PLSCR2: variants seen among roughly 807,000 people sequenced by gnomAD.
PLSCR2 encodes phospholipid scramblase 2.
In PLSCR2, 18 loss-of-function variants were observed where a neutral mutation model predicts 25.3. The ratio of observed to expected loss-of-function variants is 0.71; its 90% CI spans 0.49 to 1.06. The LOEUF (loss-of-function observed/expected upper bound fraction) is 1.06, where lower values mean the gene tolerates loss of function less well. Among genes scored for constraint, PLSCR2 ranks in the 50% least tolerant of loss-of-function variants. The probability of loss-of-function intolerance (pLI) is 0.00; values close to 1 mark genes in which losing one functional copy is unlikely to be tolerated. For missense variants in PLSCR2, 243 were observed against 269.5 expected, an observed-to-expected ratio of 0.90 and a Z score of 0.69; for synonymous variants, 88 against 87.3, an observed-to-expected ratio of 1.01 and a Z score of -0.04.
intron 1 of PLSCR2, among the ~76,000 whole-genome samples, chr3:146,493,705 C>A (rs765774203): frequency 1.3e-5 from 2 of 148,422 alleles, no homozygotes; most frequent in African/African-American, 2.5e-5. Context: ...TTTTATTAGG[C>A]AATATTCTGT....
intron 2 of PLSCR2, among the ~76,000 whole-genome samples, chr3:146,416,172 T>C (rs1341813446): frequency 6.6e-6 from 1 of 151,648 alleles, no homozygotes. Context: ...GGATGGTCTC[T>C]ATCTCCTGAC....
intron 1 of PLSCR2, among the ~76,000 whole-genome samples, chr3:146,483,043 G>C (rs778324884): frequency 6.6e-6 from 1 of 151,802 alleles, no homozygotes; most frequent in African/African-American, 2.4e-5. Context: ...AGAAATAAAG[G>C]GTATTCCAGT....
intron 2 of PLSCR2, among the ~76,000 whole-genome samples, chr3:146,428,266 C>G (rs186931589): frequency 6.6e-6 from 1 of 152,064 alleles, no homozygotes; most frequent in Non-Finnish European, 1.5e-5. Flanking sequence ...AACTGATTCT[C>G]AAGAGAAAAT....
upstream of PLSCR2, chr3:146,463,726 C>T: frequency 3.3e-6 from 1 of 301,954 alleles, no homozygotes; most frequent in Non-Finnish European, 4.9e-6. Flanking sequence ...GTTGGCTTCC[C>T]TTTTACCAAC....
intron 5 of PLSCR2, among the ~76,000 whole-genome samples, chr3:146,451,401 G>A (rs768999417): frequency 3.9e-5 from 6 of 152,024 alleles, no homozygotes; most frequent in African/African-American, 1.4e-4. Flanking sequence ...ATAAGCCACC[G>A]TGCCCGGCCT....
chr3:146,458,407 A>G lies in PLSCR2; in HGVS notation c.100+4T>C, dbSNP rs760317336. 2 of 1,506,004 alleles carry G rather than the reference A, an allele frequency of 1.3e-6. No individual in the cohort carries two copies. Among genetic ancestry groups the G allele is most frequent in the Non-Finnish European group, 1.8e-6 (2 of 1,108,108 alleles). 93.3% of individuals were successfully genotyped at this position (1,506,004 alleles called of 1,614,324 possible). The stretch of plus-strand genomic sequence containing the variant: ...GAACTATGAGCAATACAATTAATAC[A>G]TACCTTCCAGAAGTTCAATTTGCTG... On this transcript the variant is annotated splice_donor_region_variant and intron_variant, in intron 3 of 6. Coordinates refer to ENST00000610787, the Ensembl canonical transcript of PLSCR2.
chr3:146,486,311 C>A (rs1023159483), intron 1 of PLSCR2, among the ~76,000 whole-genome samples: 4 of 149,746 alleles, frequency 2.7e-5, no homozygotes, highest in Admixed American at 1.3e-4. Flanking sequence ...AAGAAATAAC[C>A]AAGATCAGAG....
intron 2 of PLSCR2, among the ~76,000 whole-genome samples, chr3:146,406,644 G>A (rs1254678106): frequency 1.3e-5 from 2 of 152,148 alleles, no homozygotes; most frequent in Non-Finnish European, 2.9e-5. Flanking sequence ...TTTTAAAGGG[G>A]CTTGACCTAG....
rs2041998391 is a variant in PLSCR2, at chr3:146,469,111, A to G, written c.-292-8827T>C. ...GACTTCATTGAATACTTACTGATAAATGACAGCTTGCAGGCTGTATTAACC... is the reference window on the plus strand; with the variant it reads ...GACTTCATTGAATACTTACTGATAAGTGACAGCTTGCAGGCTGTATTAACC... On this transcript the variant is annotated intron_variant, in intron 1 of 8. Coordinates refer to the PLSCR2 transcript ENST00000336685. 3.0e-6 allele frequency: 3 copies of G among 985,152 alleles called. No homozygotes were observed. In the African/African-American group the frequency reaches 5.2e-5, roughly 17 times the overall value. The allele number at this position is 985,152 out of a possible 1,614,324, so 61.0% of individuals were successfully genotyped here.
chr3:146,428,271 G>A (rs553686713), intron 2 of PLSCR2, among the ~76,000 whole-genome samples: 1 of 152,216 alleles, frequency 6.6e-6, no homozygotes, highest in South Asian at 2.1e-4. Flanking sequence ...ATTCTCAAGA[G>A]AAAATGCAAT....
intron 2 of PLSCR2, among the ~76,000 whole-genome samples, chr3:146,410,461 C>T (rs549422798): frequency 1.3e-5 from 2 of 152,300 alleles, no homozygotes; most frequent in African/African-American, 4.8e-5. Flanking sequence ...CTACAACCTT[C>T]ATGGTGCCAG....
chr3:146,467,086 T>C (rs531436723), intron 1 of PLSCR2, among the ~76,000 whole-genome samples: 1 of 152,310 alleles, frequency 6.6e-6, no homozygotes, highest in South Asian at 2.1e-4. Context: ...TTAGCACTGT[T>C]CAAGGCAGTG....
chr3:146,443,646 C>T (rs1159610072), intron 6 of PLSCR2, among the ~76,000 whole-genome samples: 3 of 151,750 alleles, frequency 2.0e-5, no homozygotes, highest in African/African-American at 7.2e-5. Context: ...TGGGTCTTCT[C>T]TCTGTTTTCT....
At chr3:146,440,734 G>A (rs1018323267), downstream of PLSCR2, among the ~76,000 whole-genome samples, 1 of 152,122 alleles carries the variant, frequency 6.6e-6, no homozygotes. Context: ...GGAGGTAAAC[G>A]TGTAGGATCA....
At chr3:146,435,877 G>C (rs2039819582) in intron 8 of PLSCR2, among the ~76,000 whole-genome samples, 2 of 152,148 alleles carry the variant, frequency 1.3e-5, no homozygotes, top group Non-Finnish European at 2.9e-5. Context: ...TATTGCCTAG[G>C]TTTTCTCCTA....
chr3:146,454,894 A>C (rs1032889884), intron 4 of PLSCR2, among the ~76,000 whole-genome samples: 6 of 152,132 alleles, frequency 3.9e-5, no homozygotes, highest in Non-Finnish European at 5.9e-5. Flanking sequence ...ATGCTATTTT[A>C]GGATATTTTC....
At chr3:146,418,511 G>T (rs1455331130) in intron 2 of PLSCR2, among the ~76,000 whole-genome samples, 1 of 152,094 alleles carries the variant, frequency 6.6e-6, no homozygotes, top group Non-Finnish European at 1.5e-5. Flanking sequence ...CCTGTTAGAG[G>T]CATTTCTGTT....
intron 2 of PLSCR2, among the ~76,000 whole-genome samples, chr3:146,410,053 G>A (rs937681390): frequency 6.6e-6 from 1 of 150,518 alleles, no homozygotes; most frequent in Non-Finnish European, 1.5e-5. Flanking sequence ...TACCTTTGAT[G>A]TCTCCACAAC....
intron 2 of PLSCR2, among the ~76,000 whole-genome samples, chr3:146,408,555 TG>T (rs1480847323): frequency 6.6e-6 from 1 of 152,190 alleles, no homozygotes; most frequent in Non-Finnish European, 1.5e-5. Context: ...AGAAACCTTT[TG>T]GGCTATTTCT....
Sources: gnomAD v4.1 joint callset for allele counts (sites outside exome capture counted in the v4.1 genomes callset) on GRCh38, gnomAD v4.1.1 for gene constraint, MANE v1.5 for transcripts, NCBI Gene and HGNC (gene_info 2026-07-23, HGNC 2026-07-21) for gene names.